BARHL1: variants seen among roughly 807,000 people sequenced by gnomAD.
BARHL1 encodes the protein barH-like 1 homeobox protein.
In BARHL1, 2 loss-of-function variants were observed where a neutral mutation model predicts 20.1. The ratio of observed to expected loss-of-function variants is 0.10; its 90% CI spans 0.04 to 0.31. BARHL1 has a LOEUF of 0.31. BARHL1 is among the 10% of genes least tolerant of loss of function. BARHL1 has a pLI of 1.00. For missense variants in BARHL1, 397 were observed against 454.0 expected, an observed-to-expected ratio of 0.87 and a Z score of 1.14; for synonymous variants, 213 against 209.9, an observed-to-expected ratio of 1.01 and a Z score of -0.13.
chr9:132,583,442 C>CA (rs1356293247), intron 1 of BARHL1, among the ~76,000 whole-genome samples, 179 bp downstream of exon 1: 8 of 152,252 alleles, frequency 5.3e-5, no homozygotes, highest in Non-Finnish European at 1.2e-4. Context: ...CTTTGAGCAA[C>CA]AAAGAGTCTG....
intron 2 of BARHL1, among the ~76,000 whole-genome samples, 191 bp from the exon 3 acceptor site, chr9:132,589,037 C>T (rs1250140860): frequency 6.6e-6 from 1 of 152,142 alleles, no homozygotes; most frequent in Admixed American, 6.5e-5. Flanking sequence ...CCACGGAAGG[C>T]CGGTGGAAGA....
At chr9:132,583,960 T>G (rs763896961) in intron 1 of BARHL1, among the ~76,000 whole-genome samples, 2 of 152,210 alleles carry the variant, frequency 1.3e-5, no homozygotes, top group East Asian at 3.9e-4. Flanking sequence ...CCGGGTTTTA[T>G]GCAAGTTCCA....
chr9:132,585,133 G>A (rs1589937659), intron 1 of BARHL1, among the ~76,000 whole-genome samples: 1 of 152,186 alleles, frequency 6.6e-6, no homozygotes. Context: ...CTGATCGGGA[G>A]GTGACGAGGG....
In BARHL1 at chr9:132,582,809, C is replaced by T; in HGVS notation, c.12C>T (p.Ser4=). 6 of 1,592,686 alleles carry T rather than the reference C, an allele frequency of 3.8e-6. No individual in the cohort carries two copies. Among genetic ancestry groups the T allele is most frequent in the Non-Finnish European group, 5.1e-6 (6 of 1,165,698 alleles). Residue 4 remains serine, a synonymous_variant, in exon 1 of 3, where the codon TCC becomes TCT. Coordinates refer to ENST00000263610, the MANE Select transcript of BARHL1 (RefSeq NM_020064.4). The part of the protein sequence containing the change: MEG[S]NGFGIDSILS... ...GTCGCAGCTTGGCTATGGAAGGCTC[C>T]AATGGCTTTGGGATCGACTCCATTC...
At chr9:132,586,569 G>C (rs1214748673) in intron 1 of BARHL1, among the ~76,000 whole-genome samples, 2 of 152,258 alleles carry the variant, frequency 1.3e-5, no homozygotes, top group African/African-American at 4.8e-5. Context: ...AGGTGTAGCA[G>C]GAGCCATCGT....
Position 132,589,727 on chromosome 9 carries a change from G to A in BARHL1, c.*205G>A. On this transcript the variant is annotated 3_prime_UTR_variant, in exon 3 of 3. Coordinates refer to ENST00000263610, the MANE Select transcript of BARHL1 (RefSeq NM_020064.4). ...GGACTGCGTCTCCCCAGCCCCCCTC[G>A]GCGTCCTCTCTCGCGGCCGCTCTGT... is the stretch of plus-strand genomic sequence containing the variant. 3.0e-6 allele frequency: 2 copies of A among 658,590 alleles called. No homozygotes were observed. The highest frequency in any genetic ancestry group is 1.9e-5 in the African/African-American group (1 of 52,134). 40.8% of individuals were successfully genotyped at this position (658,590 alleles called of 1,614,324 possible).
In BARHL1 at chr9:132,589,471, G is replaced by C. The variant is rs765558808; in HGVS notation, c.933G>C (p.Pro311=). Residue 311 remains proline (P), a synonymous_variant, in exon 3 of 3, where the codon CCG becomes CCC. Coordinates refer to ENST00000263610, the MANE Select transcript of BARHL1 (RefSeq NM_020064.4). The part of the protein sequence containing the change: ...HGLQGASEPP[P]PLPPLAGVLP... The stretch of plus-strand genomic sequence containing the variant: ...TCCAGGGCGCCAGCGAGCCGCCCCC[G>C]CCGCTGCCCCCCCTGGCCGGCGTCC... The C allele has an allele frequency of 6.6e-7, 1 of 1,524,074 alleles. No homozygotes were observed. 94.4% of individuals were successfully genotyped at this position (1,524,074 alleles called of 1,614,324 possible).
At chr9:132,584,131 AAGGAAG>A (rs1830103613) in intron 1 of BARHL1, among the ~76,000 whole-genome samples, 1 of 144,080 alleles carries the variant, frequency 6.9e-6, no homozygotes, top group Non-Finnish European at 1.5e-5. Flanking sequence ...AGAAGGAAGG[AAGGAAG>A]GAAGGAAGGA....
chr9:132,585,715 C>T (rs1830136735), intron 1 of BARHL1, among the ~76,000 whole-genome samples: 1 of 152,182 alleles, frequency 6.6e-6, no homozygotes, highest in East Asian at 1.9e-4. Context: ...ACAGAACCTG[C>T]ATTCAAAGGC....
Position 132,587,594 on chromosome 9 carries a change from CCTTT to C in BARHL1, c.689+45_689+48del. 6.5e-7 allele frequency: 1 copy of C among 1,541,824 alleles called. No individual in the cohort carries two copies. The highest frequency in any genetic ancestry group is 1.4e-5 in the African/African-American group (1 of 73,304). On this transcript the variant is annotated intron_variant, in intron 2 of 2. Transcript: ENST00000263610. This position sits in a 1 kb window ranked among gnomAD's most constrained non-coding sequence, Gnocchi z 5.5. Reference sequence around the variant, plus strand: ...GGGTAGAGGCAGAAAGGGAACTTCCCCTTTCCTCACAGCTCCTGGAGGGGACCAG... The same window carrying C: ...GGGTAGAGGCAGAAAGGGAACTTCCCCCTCACAGCTCCTGGAGGGGACCAG...
intron 1 of BARHL1, among the ~76,000 whole-genome samples, 177 bp downstream of exon 1, chr9:132,583,440 A>C (rs1179264490): frequency 6.6e-6 from 1 of 152,228 alleles, no homozygotes; most frequent in Admixed American, 6.5e-5. Flanking sequence ...GCCTTTGAGC[A>C]ACAAAGAGTC....
In BARHL1 at chr9:132,589,750, T is replaced by G; in HGVS notation, c.*228T>G. ...TCGGCGTCCTCTCTCGCGGCCGCTC[T>G]GTCCGGGAGCCATCCCCACCCGCCG... On this transcript the variant is annotated 3_prime_UTR_variant, in exon 3 of 3. Coordinates refer to ENST00000263610, the MANE Select transcript of BARHL1 (RefSeq NM_020064.4). The G allele has an allele frequency of 2.0e-6, 1 of 495,746 alleles. No individual in the cohort carries two copies. 30.7% of individuals were successfully genotyped at this position (495,746 alleles called of 1,614,324 possible). A position where few individuals can be genotyped will look rare whatever the true frequency, so the allele number is the denominator to read the frequency against.
In BARHL1 at chr9:132,583,009, G is replaced by A. The variant is rs147374258; in HGVS notation, c.212G>A (p.Gly71Asp). The change falls in exon 1 of 3, where the codon GGC becomes GAC. Residue 71 changes from glycine (G) to aspartate (D), a missense_variant. Coordinates refer to ENST00000263610, the MANE Select transcript of BARHL1 (RefSeq NM_020064.4). ...ACCCCACGGCCTGGCGGGGCATCCG[G>A]CCCAGGTTTGGACTCCCACCTGCAG... ...TGTPRPGGAS[G>D]PGLDSHLQPG... The A allele has an allele frequency of 2.6e-5, 42 of 1,613,640 alleles. No individual in the cohort carries two copies. The highest frequency in any genetic ancestry group is 3.6e-5 in the Non-Finnish European group (42 of 1,179,944).
chr9:132,589,913 A>G lies in BARHL1; in HGVS notation c.*391A>G. 1 of 174,710 alleles carries G rather than the reference A, an allele frequency of 5.7e-6. No homozygotes were observed. The highest frequency in any genetic ancestry group is 1.2e-5 in the Non-Finnish European group (1 of 83,248). 10.8% of individuals were successfully genotyped at this position (174,710 alleles called of 1,614,324 possible). A position where few individuals can be genotyped will look rare whatever the true frequency, so the allele number is the denominator to read the frequency against. On this transcript the variant is annotated 3_prime_UTR_variant, in exon 3 of 3. Transcript: ENST00000263610. ...CACGCCCCTTCTACGCTCCAGGTGG[A>G]GAACAGCCCCTCTCCCCGCGCCCCC...
rs1830154545 is a variant in BARHL1, at chr9:132,587,323, C to T, written c.467-6C>T. On this transcript the variant is annotated splice_polypyrimidine_tract_variant and splice_region_variant and intron_variant, in intron 1 of 2. Transcript: ENST00000263610. The surrounding 1 kb of genome is among the most constrained non-coding windows in gnomAD (Gnocchi z 5.5). The stretch of plus-strand genomic sequence containing the variant: ...GCCGGGCCCTGACATGCCGCTGTGT[C>T]CGCAGTGAAGGAGGAGGGCGACCGC... 8.1e-6 allele frequency: 13 copies of T among 1,595,266 alleles called. No homozygotes were observed. Among genetic ancestry groups the T allele is most frequent in the Non-Finnish European group, 1.1e-5 (13 of 1,173,468 alleles).
At position 132,583,014 on chromosome 9, in the gene BARHL1, G is replaced by C; in HGVS notation, c.217G>C (p.Gly73Arg). The C allele has an allele frequency of 6.2e-7, 1 of 1,613,830 alleles. No homozygotes were observed. The highest frequency in any genetic ancestry group is 8.5e-7 in the Non-Finnish European group (1 of 1,179,954). The stretch of plus-strand genomic sequence containing the variant: ...ACGGCCTGGCGGGGCATCCGGCCCA[G>C]GTTTGGACTCCCACCTGCAGCCCGG... ...TPRPGGASGP[G>R]LDSHLQPGQL... The change falls in exon 1 of 3, where the codon GGT (glycine) becomes CGT (arginine). Residue 73 changes from glycine to arginine, a missense_variant. By Grantham distance (125) the Gly-to-Arg change is moderately radical. Coordinates refer to ENST00000263610, the MANE Select transcript of BARHL1 (RefSeq NM_020064.4).
At position 132,587,768 on chromosome 9, in the gene BARHL1, C is replaced by A. The variant is rs1830159854; in HGVS notation, c.689+217C>A. ...TGAGACTAGACTTGGTGTCCAGCGT[C>A]CAGTCAGCCCTCCCCCGGATGGGTG... On this transcript the variant is annotated intron_variant, in intron 2 of 2. Coordinates refer to ENST00000263610, the MANE Select transcript of BARHL1 (RefSeq NM_020064.4). This position sits in a 1 kb window ranked among gnomAD's most constrained non-coding sequence, Gnocchi z 5.5. Among the ~76,000 whole-genome samples, 1 of 152,234 alleles carries A rather than the reference C, an allele frequency of 6.6e-6. No individual in the cohort carries two copies. The highest frequency in any genetic ancestry group is 1.5e-5 in the Non-Finnish European group (1 of 68,052).
At position 132,589,872 on chromosome 9, in the gene BARHL1, A is replaced by C; in HGVS notation, c.*350A>C. On this transcript the variant is annotated 3_prime_UTR_variant, in exon 3 of 3. Transcript: ENST00000263610. Reference sequence around the variant, plus strand: ...CCAGGAGCGGGTGCGGCTGATTCCCAGGCTTCGCTCTCTCCCACGCCCCTT... The same window carrying C: ...CCAGGAGCGGGTGCGGCTGATTCCCCGGCTTCGCTCTCTCCCACGCCCCTT... 5.1e-6 allele frequency: 1 copy of C among 197,462 alleles called. No homozygotes were observed. Among genetic ancestry groups the C allele is most frequent in the Non-Finnish European group, 1.0e-5 (1 of 98,576 alleles). 12.2% of individuals were successfully genotyped at this position (197,462 alleles called of 1,614,324 possible).
intron 2 of BARHL1, among the ~76,000 whole-genome samples, chr9:132,588,189 T>C (rs995452589): frequency 1.3e-5 from 2 of 152,028 alleles, no homozygotes; most frequent in African/African-American, 4.8e-5. Flanking sequence ...TCACCAGACG[T>C]AGATGCAAAT....
Sources: gnomAD v4.1 joint callset for allele counts (sites outside exome capture counted in the v4.1 genomes callset) on GRCh38, gnomAD v4.1.1 for gene constraint, Gnocchi (gnomAD v3.1) non-coding constraint, MANE v1.5 for transcripts, NCBI Gene and HGNC (gene_info 2026-07-23, HGNC 2026-07-21) for gene names.